The following ZNF567 variants were observed in gnomAD, a reference collection of about 807,000 sequenced individuals.
ZNF567 encodes the protein zinc finger protein 567.
In ZNF567, 36 loss-of-function variants were observed where a neutral mutation model predicts 53.9. The ratio of observed to expected loss-of-function variants is 0.67; its 90% CI spans 0.51 to 0.88. The LOEUF is 0.88. Ranked by LOEUF, ZNF567 falls within the 40% of genes least tolerant of loss-of-function variation. The pLI is 0.00. For missense variants in ZNF567, 619 were observed against 764.7 expected (o/e 0.81, Z 2.25); for synonymous variants, 224 against 260.4 (o/e 0.86, Z 1.35).
At chr19:36,697,368 T>G (rs2038937655) in intron 3 of ZNF567, among the ~76,000 whole-genome samples, 1 of 152,104 alleles carries the variant, frequency 6.6e-6, no homozygotes, top group Admixed American at 6.6e-5. Flanking sequence ...TAATTTTTTT[T>G]TTGTTAGATT....
chr19:36,680,134 A>G, the ZNF567 span, among the ~76,000 whole-genome samples: 1 of 152,222 alleles, frequency 6.6e-6, no homozygotes, highest in Admixed American at 6.5e-5. Flanking sequence ...TCAATATACA[A>G]TTGTACATAC....
At chr19:36,692,612 G>T (rs972354086) in intron 2 of ZNF567, among the ~76,000 whole-genome samples, 1 of 152,096 alleles carries the variant, frequency 6.6e-6, no homozygotes, top group African/African-American at 2.4e-5. Context: ...CTAAGCTCAT[G>T]CGATCTTACT....
chr19:36,721,756 T>TTG (rs1312904138), downstream of ZNF567, among the ~76,000 whole-genome samples: 3 of 143,544 alleles, frequency 2.1e-5, no homozygotes, highest in Non-Finnish European at 3.0e-5. Context: ...TTTTTTTTTT[T>TTG]TTTTTTGAGA....
At chr19:36,674,769 T>A in the ZNF567 span, among the ~76,000 whole-genome samples, 3 of 152,166 alleles carry the variant, frequency 2.0e-5, no homozygotes, top group African/African-American at 7.2e-5. Flanking sequence ...GCTTTTTTTT[T>A]TGGAGACAGA....
chr19:36,708,337 G>A (rs2039605271), intron 3 of ZNF567, among the ~76,000 whole-genome samples: 2 of 152,004 alleles, frequency 1.3e-5, no homozygotes, highest in Admixed American at 1.3e-4. Flanking sequence ...ATTTTGTTAT[G>A]TTACGTTAAA....
At position 36,719,447 on chromosome 19, in the gene ZNF567, T is replaced by C; in HGVS notation, c.723T>C (p.Asn241=). The part of the protein sequence containing the change: ...PYKGENPSVY[N]KKRRATNIEK... The stretch of plus-strand genomic sequence containing the variant: ...AAGGAGAAAACCCATCTGTATATAA[T>C]AAAAAAAGAAGAGCAACCAATATTG... The change falls in exon 6 of 6, where the codon AAT becomes AAC. Residue 241 remains asparagine (N), a synonymous_variant. Coordinates refer to ENST00000682579, the MANE Select transcript of ZNF567 (RefSeq NM_001322917.1). 8 of 1,610,550 alleles carry C rather than the reference T, an allele frequency of 5.0e-6. No individual in the cohort carries two copies. Among genetic ancestry groups the C allele is most frequent in the Non-Finnish European group, 6.8e-6 (8 of 1,179,214 alleles).
At chr19:36,699,461 A>G (rs1044132582) in intron 3 of ZNF567, among the ~76,000 whole-genome samples, 1 of 152,200 alleles carries the variant, frequency 6.6e-6, no homozygotes, top group African/African-American at 2.4e-5. Context: ...CTGTGAAGAA[A>G]GTCAGTGGTA....
the ZNF567 span, among the ~76,000 whole-genome samples, chr19:36,673,728 C>G: frequency 1.3e-5 from 2 of 152,078 alleles, no homozygotes; most frequent in East Asian, 3.8e-4. Context: ...CCTGTTTGTT[C>G]TGTTTCTCTA....
chr19:36,687,458 G>C (rs1044584402), upstream of ZNF567: 4 of 152,444 alleles, frequency 2.6e-5, no homozygotes, highest in African/African-American at 9.6e-5. Context: ...GGGAACCAGA[G>C]ATCAAAGTTC....
downstream of ZNF567, among the ~76,000 whole-genome samples, chr19:36,723,825 CTG>C (rs2040322803): frequency 6.6e-6 from 1 of 151,974 alleles, no homozygotes. Flanking sequence ...GAGAGTGAGA[CTG>C]TGTCTCAAAA....
At position 36,712,619 on chromosome 19, in the gene ZNF567, G is replaced by A. The variant is rs2039847656; in HGVS notation, c.136+107G>A. On this transcript the variant is annotated intron_variant, in intron 4 of 5. Transcript: ENST00000682579. ...AATAAGAGGTGATGAATTCCTTTTC[G>A]TTAGCAGAATGAATGATTGTGTCTT... 3.3e-5 allele frequency: 50 copies of A among 1,506,010 alleles called. No individual in the cohort carries two copies. In the South Asian group the frequency reaches 3.6e-4, roughly 11 times the overall value. The allele number at this position is 1,506,010 out of a possible 1,614,324, so 93.3% of individuals were successfully genotyped here. A position where few individuals can be genotyped will look rare whatever the true frequency, so the allele number is the denominator to read the frequency against.
At chr19:36,669,847 G>A in the ZNF567 span, among the ~76,000 whole-genome samples, 4 of 152,132 alleles carry the variant, frequency 2.6e-5, no homozygotes, top group Non-Finnish European at 1.5e-5. Flanking sequence ...CTGTCTTTAT[G>A]AATCAAGTTA....
the ZNF567 span, chr19:36,668,938 C>G: frequency 6.6e-5 from 10 of 152,102 alleles, no homozygotes; most frequent in Admixed American, 6.6e-4. Flanking sequence ...AACAAACCTT[C>G]AGTTGAAAAT....
chr19:36,723,813 AAG>A (rs1600592378), downstream of ZNF567, among the ~76,000 whole-genome samples: 3 of 152,258 alleles, frequency 2.0e-5, no homozygotes, highest in East Asian at 1.9e-4. Flanking sequence ...CTGCCTGGCC[AAG>A]AGAGTGAGAC....
chr19:36,694,780 T>G (rs559069331), intron 2 of ZNF567, 22 bp from the exon 3 acceptor site: 1 of 1,359,582 alleles, frequency 7.4e-7, no homozygotes, highest in Non-Finnish European at 9.8e-7. Context: ...TGGCTTTTTT[T>G]GTCTCGGCTT....
At chr19:36,682,894 A>C (rs2038208484), upstream of ZNF567, among the ~76,000 whole-genome samples, 1 of 151,946 alleles carries the variant, frequency 6.6e-6, no homozygotes, top group Non-Finnish European at 1.5e-5. Flanking sequence ...GGCGTGAGCC[A>C]CCACACCCAG....
rs909494957 is a variant in ZNF567, at chr19:36,715,518, T to A, written c.223+2651T>A. ...TAATAATAATAATAATAATTATTAT[T>A]ATTATTATTATTATTATTATTATTA... On this transcript the variant is annotated intron_variant, in intron 5 of 5. Coordinates refer to ENST00000682579, the MANE Select transcript of ZNF567 (RefSeq NM_001322917.1). Among the ~76,000 whole-genome samples, 690 of 72,112 alleles carry A rather than the reference T, an allele frequency of 9.6e-3. 9 individuals carry two copies. The highest frequency in any genetic ancestry group is 0.053 in the Admixed American group (361 of 6,864). The allele number at this position is 72,112 out of a possible 152,430, so 47.3% of individuals were successfully genotyped here.
chr19:36,718,892 T>C, intron 5 of ZNF567, 56 bp from the exon 6 acceptor site: 1 of 1,413,204 alleles, frequency 7.1e-7, no homozygotes, highest in South Asian at 1.4e-5. Flanking sequence ...TAAAATTTCT[T>C]TGCATAGGAA....
upstream of ZNF567, among the ~76,000 whole-genome samples, chr19:36,682,613 A>G (rs2091262): frequency 3.1e-5 from 4 of 130,710 alleles, no homozygotes; most frequent in African/African-American, 1.2e-4. Context: ...TATTATTATT[A>G]TTTTTTTTTT....
Sources: gnomAD v4.1 joint callset for allele counts (sites outside exome capture counted in the v4.1 genomes callset) on GRCh38, gnomAD v4.1.1 for gene constraint, MANE v1.5 for transcripts, NCBI Gene and HGNC (gene_info 2026-07-23, HGNC 2026-07-21) for gene names.